The following SLC39A11 variants were observed in gnomAD, a reference collection of about 807,000 sequenced individuals.
The protein encoded by SLC39A11 is zinc transporter ZIP11.
Under a neutral mutation model 36.1 loss-of-function variants are expected in SLC39A11, and 33 were observed. The observed-to-expected ratio is 0.91, with a 90% CI of 0.69 to 1.22. The LOEUF is 1.22. Among genes scored for constraint, SLC39A11 ranks in the 50% most tolerant of loss-of-function variants. The probability of loss-of-function intolerance (pLI) is 0.00; values close to 1 mark genes in which losing one functional copy is unlikely to be tolerated. For synonymous variants in SLC39A11, 166 were observed against 170.3 expected, an observed-to-expected ratio of 0.97 and a Z score of 0.20; for missense variants, 432 against 430.3, an observed-to-expected ratio of 1.00 and a Z score of -0.03.
chr17:72,832,363 C>G (rs1404366578), intron 6 of SLC39A11, among the ~76,000 whole-genome samples: 1 of 152,244 alleles, frequency 6.6e-6, no homozygotes, highest in East Asian at 1.9e-4. Context: ...CTTCTACCCC[C>G]TCGAATATTC....
chr17:72,731,868 G>A (rs9912831), intron 7 of SLC39A11, among the ~76,000 whole-genome samples: 6,533 of 151,588 alleles, frequency 0.043, 183 homozygotes, highest in African/African-American at 0.087. Flanking sequence ...TGGGATTACA[G>A]GTGCCCACCA....
chr17:72,835,441 C>T (rs1183714129), intron 6 of SLC39A11, among the ~76,000 whole-genome samples: 1 of 152,068 alleles, frequency 6.6e-6, no homozygotes, highest in Non-Finnish European at 1.5e-5. Context: ...CCAGGTCCTG[C>T]TGTGTTCTAG....
chr17:72,689,236 A>G (rs2071901575), intron 7 of SLC39A11, among the ~76,000 whole-genome samples: 1 of 152,146 alleles, frequency 6.6e-6, no homozygotes, highest in African/African-American at 2.4e-5. Context: ...AGAAGATAAA[A>G]TCTCACCTCC....
intron 4 of SLC39A11, among the ~76,000 whole-genome samples, chr17:72,971,856 C>G (rs1163160611): frequency 1.3e-5 from 2 of 152,172 alleles, no homozygotes; most frequent in Non-Finnish European, 2.9e-5. Context: ...AATGAGCCAT[C>G]TGGGGAGACA....
intron 7 of SLC39A11, among the ~76,000 whole-genome samples, chr17:72,735,745 G>C (rs77670746): frequency 0.015 from 2,321 of 152,292 alleles, 67 homozygotes; most frequent in African/African-American, 0.053. Context: ...CCATCCTGCA[G>C]AGTGTGGCAT....
chr17:72,859,506 C>T (rs990731260), intron 5 of SLC39A11, among the ~76,000 whole-genome samples: 3 of 152,090 alleles, frequency 2.0e-5, no homozygotes, highest in East Asian at 3.9e-4. Flanking sequence ...CTGCAGATCC[C>T]GCTTGGGAAC....
At chr17:72,953,447 G>T (rs115473299) in intron 4 of SLC39A11, among the ~76,000 whole-genome samples, 3,083 of 152,276 alleles carry the variant, frequency 0.02, 122 homozygotes, top group African/African-American at 0.07. Flanking sequence ...CAAAAAGGCT[G>T]CACAAAACAA....
chr17:73,012,906 C>G (rs1409910838), intron 4 of SLC39A11, among the ~76,000 whole-genome samples: 1 of 151,896 alleles, frequency 6.6e-6, no homozygotes. Context: ...TCAAGCGATT[C>G]TCCTGTCTCA....
chr17:73,069,476 T>C (rs974857999), intron 3 of SLC39A11, among the ~76,000 whole-genome samples: 13 of 152,212 alleles, frequency 8.5e-5, no homozygotes, highest in African/African-American at 3.1e-4. Flanking sequence ...GAGCAGCTGT[T>C]CTCCAAAGAA....
At chr17:73,067,019 A>C (rs181652506) in intron 3 of SLC39A11, among the ~76,000 whole-genome samples, 4 of 152,296 alleles carry the variant, frequency 2.6e-5, no homozygotes, top group Non-Finnish European at 4.4e-5. Flanking sequence ...AATGAAACTA[A>C]AGAAAGAAAG....
chr17:72,836,592 C>A (rs1236014015), intron 6 of SLC39A11, among the ~76,000 whole-genome samples: 2 of 152,106 alleles, frequency 1.3e-5, no homozygotes, highest in Non-Finnish European at 1.5e-5. Context: ...TCACCTGCTT[C>A]GGCCTCCTAA....
intron 6 of SLC39A11, among the ~76,000 whole-genome samples, chr17:72,797,689 C>A (rs1230437430): frequency 6.6e-6 from 1 of 152,144 alleles, no homozygotes; most frequent in African/African-American, 2.4e-5. Context: ...ACCATCGTGG[C>A]CCGGCTCTGC....
At chr17:72,723,085 T>C (rs1032497371) in intron 7 of SLC39A11, among the ~76,000 whole-genome samples, 3 of 152,196 alleles carry the variant, frequency 2.0e-5, no homozygotes, top group Non-Finnish European at 4.4e-5. Context: ...GTCTTCATTG[T>C]CCAACAAAGC....
chr17:72,994,731 C>G (rs541506428), intron 4 of SLC39A11, among the ~76,000 whole-genome samples: 56 of 152,136 alleles, frequency 3.7e-4, no homozygotes, highest in Admixed American at 1.8e-3. Context: ...CCCGCTTGAT[C>G]TCTGTGCATC....
intron 7 of SLC39A11, among the ~76,000 whole-genome samples, chr17:72,732,876 C>T (rs1280865040): frequency 2.0e-5 from 3 of 152,138 alleles, no homozygotes; most frequent in African/African-American, 7.2e-5. Context: ...AAGTTTGTAC[C>T]ATACACCCTT....
intron 3 of SLC39A11, among the ~76,000 whole-genome samples, chr17:73,081,659 A>T (rs1395199507): frequency 1.5e-5 from 2 of 129,630 alleles, no homozygotes; most frequent in Admixed American, 1.5e-4. Flanking sequence ...ACACACACAC[A>T]CACACACACA....
chr17:72,827,047 G>C (rs2078058564), intron 6 of SLC39A11, among the ~76,000 whole-genome samples: 1 of 152,198 alleles, frequency 6.6e-6, no homozygotes, highest in Non-Finnish European at 1.5e-5. Flanking sequence ...ACTTGTACAT[G>C]AAAGTACAGA....
chr17:73,031,381 A>G (rs1203384586), intron 4 of SLC39A11, among the ~76,000 whole-genome samples, 175 bp downstream of exon 4: 1 of 152,232 alleles, frequency 6.6e-6, no homozygotes, highest in African/African-American at 2.4e-5. Flanking sequence ...TTACCAAGAC[A>G]TTACTTTAAG....
intron 6 of SLC39A11, among the ~76,000 whole-genome samples, chr17:72,810,055 C>T (rs1429189686): frequency 6.9e-6 from 1 of 145,380 alleles, no homozygotes; most frequent in African/African-American, 2.6e-5. Context: ...AAGAATGAGA[C>T]TCTGTCTCAA....
Sources: allele counts gnomAD v4.1 joint callset (sites outside exome capture counted in the v4.1 genomes callset), GRCh38; gene constraint gnomAD v4.1.1; transcripts MANE v1.5; gene names NCBI Gene and HGNC (gene_info 2026-07-23, HGNC 2026-07-21).